WDR76: variants seen among roughly 807,000 people sequenced by gnomAD.
The protein encoded by WDR76 is WD repeat domain 76, also known as WD repeat-containing protein 76.
A neutral mutation model predicts 70.2 loss-of-function variants in WDR76; 52 were observed. The observed-to-expected ratio is 0.74, with a 90% CI of 0.59 to 0.93. WDR76 has a LOEUF of 0.93. Ranked by LOEUF, WDR76 falls within the 40% of genes least tolerant of loss-of-function variation. The probability of loss-of-function intolerance (pLI) is 0.00; values close to 1 mark genes in which losing one functional copy is unlikely to be tolerated. For synonymous variants in WDR76, 292 were observed against 271.1 expected, an observed-to-expected ratio of 1.08 and a Z score of -0.76; for missense variants, 756 against 760.2, an observed-to-expected ratio of 0.99 and a Z score of 0.07.
chr15:43,834,815 C>G (rs1345118170), intron 2 of WDR76, among the ~76,000 whole-genome samples: 1 of 152,122 alleles, frequency 6.6e-6, no homozygotes, highest in East Asian at 1.9e-4. Flanking sequence ...GATCATACTA[C>G]TTGATTTCTA....
intron 12 of WDR76, chr15:43,863,976 TTAAGA>T (rs2088038111): frequency 6.6e-6 from 1 of 152,196 alleles, no homozygotes; most frequent in Admixed American, 6.5e-5. Context: ...GAACAATCAA[TTAAGA>T]TAAGTTACTA....
At chr15:43,831,791 A>G (rs541448758) in intron 2 of WDR76, among the ~76,000 whole-genome samples, 6 of 151,966 alleles carry the variant, frequency 3.9e-5, no homozygotes, top group Admixed American at 2.0e-4. Context: ...CAGCTTTCTG[A>G]GAAAAAGTGT....
intron 5 of WDR76, among the ~76,000 whole-genome samples, chr15:43,841,855 G>GT (rs1275589469): frequency 1.3e-5 from 2 of 151,774 alleles, no homozygotes; most frequent in Non-Finnish European, 1.5e-5. Context: ...AGTTTCTGGG[G>GT]TTTTTTTGTT....
intron 2 of WDR76, among the ~76,000 whole-genome samples, chr15:43,829,499 CTTTTTTTTTTTTTT>C (rs34835269): frequency 3.5e-5 from 2 of 57,966 alleles, no homozygotes; most frequent in African/African-American, 1.1e-4. Flanking sequence ...AGCATGGCCA[CTTTTTTTTTTTTTT>C]TTTTTTTTTT....
chr15:43,830,231 C>T (rs1163985033), intron 2 of WDR76, among the ~76,000 whole-genome samples: 1 of 151,958 alleles, frequency 6.6e-6, no homozygotes, highest in African/African-American at 2.4e-5. Context: ...CTTTGATAAC[C>T]ACTGGATTAG....
chr15:43,862,308 A>ATT lies in WDR76; in HGVS notation c.1616+936_1616+937dup, dbSNP rs60991615. Among the ~76,000 whole-genome samples the ATT allele has an allele frequency of 2.0e-3, 113 of 56,972 alleles. 1 individual carries two copies. Among genetic ancestry groups the ATT allele is most frequent in the African/African-American group, 5.2e-3 (61 of 11,742 alleles). The allele number at this position is 56,972 out of a possible 152,430, so 37.4% of individuals were successfully genotyped here. ...TTTTTTTTTTTTTTTCAGGTCCACA[A>ATT]TTTTTTTTTTTTTTTAATTTTTTTT... On this transcript the variant is annotated intron_variant, in intron 12 of 12. Coordinates refer to ENST00000263795, the MANE Select transcript of WDR76 (RefSeq NM_024908.4).
chr15:43,832,743 GTTTTTT>G (rs201304087), intron 2 of WDR76, among the ~76,000 whole-genome samples: 3 of 68,072 alleles, frequency 4.4e-5, no homozygotes, highest in East Asian at 5.2e-4. Context: ...GGCTTGCTTT[GTTTTTT>G]TTTTTTTTTT....
chr15:43,866,255 A>C lies in WDR76; in HGVS notation c.1744A>C (p.Lys582Gln), dbSNP rs751837345. Residue 582 changes from lysine to glutamine, a missense_variant, in exon 13 of 13, where the codon AAG becomes CAG. Coordinates refer to ENST00000263795, the MANE Select transcript of WDR76 (RefSeq NM_024908.4). ...GGTAGAAATCTTCCATGAGACAGGA[A>C]AGAGGGTGCATTCGTTTGGTGGAGA... ...RRVEIFHETGKRVHSFGGEYL... is the reference protein window; with the variant it reads ...RRVEIFHETGQRVHSFGGEYL... 15 of 1,614,088 alleles carry C rather than the reference A, an allele frequency of 9.3e-6. No individual in the cohort carries two copies. Among genetic ancestry groups the C allele is most frequent in the Admixed American group, 6.7e-5 (4 of 59,996 alleles).
chr15:43,840,683 A>G (rs1200234277), intron 5 of WDR76, among the ~76,000 whole-genome samples: 1 of 152,156 alleles, frequency 6.6e-6, no homozygotes, highest in Non-Finnish European at 1.5e-5. Context: ...TCAGCCCACA[A>G]GAAATATATT....
intron 9 of WDR76, among the ~76,000 whole-genome samples, chr15:43,852,572 A>C (rs910475297): frequency 6.6e-6 from 1 of 152,034 alleles, no homozygotes. Context: ...GGGTTTCACC[A>C]TGTTGACCAG....
At chr15:43,832,225 T>C (rs1482329650) in intron 2 of WDR76, among the ~76,000 whole-genome samples, 2 of 152,170 alleles carry the variant, frequency 1.3e-5, no homozygotes, top group Admixed American at 6.6e-5. Flanking sequence ...TTTTCCCCTC[T>C]GCATGCTTTT....
intron 8 of WDR76, among the ~76,000 whole-genome samples, chr15:43,844,382 C>G (rs181101413): frequency 4.6e-5 from 7 of 152,236 alleles, no homozygotes; most frequent in African/African-American, 1.7e-4. Flanking sequence ...CTTTGAGAGG[C>G]TGAGGCGGTC....
chr15:43,844,015 A>C lies in WDR76; in HGVS notation c.993A>C (p.Ala331=). ...CATCAGAAACTAGAACTTTGGTAGC[A>C]GTTGGGGCCAAATTTGGGCAAGTTG... The part of the protein sequence containing the change: ...LHPSETRTLV[A]VGAKFGQVGL... Residue 331 remains alanine (A), a synonymous_variant, in exon 8 of 13, where the codon GCA becomes GCC. Transcript: ENST00000263795. The C allele has an allele frequency of 1.9e-6, 3 of 1,613,748 alleles. No individual in the cohort carries two copies. Among genetic ancestry groups the C allele is most frequent in the Non-Finnish European group, 2.5e-6 (3 of 1,179,866 alleles).
At chr15:43,862,308 A>AT (rs60991615) in intron 12 of WDR76, among the ~76,000 whole-genome samples, 18,431 of 56,768 alleles carry the variant, frequency 0.32, 4,036 homozygotes, top group African/African-American at 0.65. Context: ...CAGGTCCACA[A>AT]TTTTTTTTTT....
intron 9 of WDR76, among the ~76,000 whole-genome samples, chr15:43,851,501 G>A (rs577191615): frequency 2.6e-5 from 4 of 152,302 alleles, no homozygotes; most frequent in African/African-American, 9.6e-5. Context: ...GTTGTCATGA[G>A]AATTTAATGA....
At chr15:43,830,195 G>C (rs1314121469) in intron 2 of WDR76, among the ~76,000 whole-genome samples, 1 of 151,920 alleles carries the variant, frequency 6.6e-6, no homozygotes, top group African/African-American at 2.4e-5. Flanking sequence ...GTTTCCTAGA[G>C]ACGCTGATGT....
At chr15:43,838,660 T>C (rs1292047574) in intron 4 of WDR76, among the ~76,000 whole-genome samples, 2 of 152,234 alleles carry the variant, frequency 1.3e-5, no homozygotes, top group African/African-American at 2.4e-5. Flanking sequence ...CGCACAGCTT[T>C]ATTTCGTTCT....
intron 4 of WDR76, 91 bp from the exon 5 acceptor site, chr15:43,839,514 G>T (rs2087696614): frequency 7.1e-6 from 9 of 1,275,232 alleles, no homozygotes; most frequent in Non-Finnish European, 9.6e-6. Context: ...ATATATCTGT[G>T]GTATATATTC....
At chr15:43,829,091 G>C (rs933607707) in intron 2 of WDR76, among the ~76,000 whole-genome samples, 10 of 151,638 alleles carry the variant, frequency 6.6e-5, no homozygotes, top group Non-Finnish European at 1.5e-4. Flanking sequence ...TAGTAGAGAC[G>C]GGGTTTCACC....
Sources: allele counts gnomAD v4.1 joint callset (sites outside exome capture counted in the v4.1 genomes callset), GRCh38; gene constraint gnomAD v4.1.1; transcripts MANE v1.5; gene names NCBI Gene and HGNC (gene_info 2026-07-23, HGNC 2026-07-21).